Variants in ZNF555 observed in about 807,000 individuals in gnomAD.
ZNF555 encodes the protein zinc finger protein 555.
A neutral mutation model predicts 14.0 loss-of-function variants in ZNF555; 10 were observed. That is an observed-to-expected ratio of 0.72 (90% confidence interval 0.44 to 1.21). The LOEUF (loss-of-function observed/expected upper bound fraction) is 1.21. ZNF555 is among the 50% of genes most tolerant of loss of function. The pLI is 0.00. For missense variants in ZNF555, 747 were observed against 762.0 expected (o/e 0.98, Z 0.23); for synonymous variants, 277 against 262.4 (o/e 1.06, Z -0.54).
rs765892555 is a variant in ZNF555 at position 2,854,983 on chromosome 19, T to G, written c.*1031T>G. On this transcript the variant is annotated 3_prime_UTR_variant, in exon 4 of 4. Coordinates refer to ENST00000334241, the MANE Select transcript of ZNF555 (RefSeq NM_152791.5). ...TTATATAGTGAACACCTTGTTATCT[T>G]AATACTTCCAGTGGCTCTGTGATCC... The G allele has an allele frequency of 3.3e-5, 5 of 152,178 alleles. No individual in the cohort carries two copies. Among genetic ancestry groups the G allele is most frequent in the Non-Finnish European group, 5.9e-5 (4 of 68,026 alleles). The allele number at this position is 152,178 out of a possible 1,614,324, so 9.4% of individuals were successfully genotyped here.
Position 2,854,149 on chromosome 19 carries a change from A to G in ZNF555, c.*197A>G, listed in dbSNP as rs1599567948. Reference sequence around the variant, plus strand: ...CATGGATGATTTGAAGTGTATTTTTAATATGCAAGTAGGTTCAAGTTTTAT... The same window carrying G: ...CATGGATGATTTGAAGTGTATTTTTGATATGCAAGTAGGTTCAAGTTTTAT... On this transcript the variant is annotated 3_prime_UTR_variant, in exon 4 of 4. Transcript: ENST00000334241. 2.9e-5 allele frequency: 18 copies of G among 623,620 alleles called. No individual in the cohort carries two copies. The East Asian group carries it at 5.4e-4, about 19-fold the overall frequency. The allele number at this position is 623,620 out of a possible 1,614,324, so 38.6% of individuals were successfully genotyped here. A position where few individuals can be genotyped will look rare whatever the true frequency, so the allele number is the denominator to read the frequency against.
chr19:2,841,719 C>T (rs910335123), intron 1 of ZNF555, 144 bp downstream of exon 1: 2 of 978,410 alleles, frequency 2.0e-6, no homozygotes, highest in African/African-American at 1.7e-5. Context: ...CCCGGGGGTC[C>T]CGCCCGGCCC....
Position 2,850,571 on chromosome 19 carries a change from T to G in ZNF555, c.4-16T>G, listed in dbSNP as rs372470362. ...GGTCTCAACCATCCTCCCATAAATA[T>G]GTTGAATTGTTTTAGGACTCAGTGG... On this transcript the variant is annotated splice_polypyrimidine_tract_variant and intron_variant, in intron 1 of 3. Transcript: ENST00000334241. The G allele has an allele frequency of 1.2e-6, 2 of 1,611,722 alleles. No homozygotes were observed. Among genetic ancestry groups the G allele is most frequent in the Non-Finnish European group, 1.7e-6 (2 of 1,178,532 alleles).
chr19:2,851,604 C>T lies in ZNF555; in HGVS notation c.267C>T (p.Asp89=). ...SWASVLGKIW[D]SLSIEDQTTN... ...CCTCTGTTTTAGGAAAAATTTGGGA[C>T]AGTCTTAGCATCGAAGATCAAACCA... The change falls in exon 3 of 4, where the codon GAC becomes GAT. Residue 89 remains aspartate (D), a synonymous_variant. Transcript: ENST00000334241. 2.5e-6 allele frequency: 4 copies of T among 1,610,834 alleles called. No homozygotes were observed. Among genetic ancestry groups the T allele is most frequent in the Non-Finnish European group, 3.4e-6 (4 of 1,179,126 alleles).
chr19:2,842,949 G>A (rs923156939), intron 1 of ZNF555, among the ~76,000 whole-genome samples: 1 of 151,940 alleles, frequency 6.6e-6, no homozygotes, highest in Non-Finnish European at 1.5e-5. Context: ...AGGCTGAGGC[G>A]GGAAAATCAC....
chr19:2,842,417 A>G (rs1248726496), intron 1 of ZNF555, among the ~76,000 whole-genome samples: 1 of 152,210 alleles, frequency 6.6e-6, no homozygotes, highest in Non-Finnish European at 1.5e-5. Context: ...GCAGACCCAC[A>G]GCGGGGACGC....
chr19:2,841,691 C>G (rs2087537640), intron 1 of ZNF555, 116 bp downstream of exon 1: 7 of 1,266,418 alleles, frequency 5.5e-6, no homozygotes, highest in African/African-American at 1.6e-5. Flanking sequence ...GAGGGCGGCG[C>G]AGGACGGGAG....
intron 1 of ZNF555, among the ~76,000 whole-genome samples, chr19:2,843,616 C>A (rs538323781): frequency 9.1e-4 from 139 of 152,280 alleles, no homozygotes; most frequent in African/African-American, 3.2e-3. Flanking sequence ...TTCTCCTTGA[C>A]ATGGTAGAGA....
In ZNF555 at chr19:2,855,651, A is replaced by T. The variant is rs1206275848; in HGVS notation, c.*1699A>T. The stretch of plus-strand genomic sequence containing the variant: ...AGGGCTGCCATAACAAAGTACAAAA[A>T]CTGGGTGACATAGGAAAACAAACTT... On this transcript the variant is annotated 3_prime_UTR_variant, in exon 4 of 4. Transcript: ENST00000334241. 1 of 152,188 alleles carries T rather than the reference A, an allele frequency of 6.6e-6. No individual in the cohort carries two copies. The highest frequency in any genetic ancestry group is 1.9e-4 in the East Asian group (1 of 5,200). The allele number at this position is 152,188 out of a possible 1,614,324, so 9.4% of individuals were successfully genotyped here.
At position 2,854,112 on chromosome 19, in the gene ZNF555, G is replaced by C. The variant is rs558955865; in HGVS notation, c.*160G>C. On this transcript the variant is annotated 3_prime_UTR_variant, in exon 4 of 4. Transcript: ENST00000334241. The stretch of plus-strand genomic sequence containing the variant: ...CAGTAAATAAAACTTTCATCTTAGA[G>C]TGTTTTGGACTCATGGATGATTTGA... 2.1e-4 allele frequency: 180 copies of C among 874,144 alleles called. No individual in the cohort carries two copies. The African/African-American group carries it at 2.8e-3, about 14-fold the overall frequency. 54.1% of individuals were successfully genotyped at this position (874,144 alleles called of 1,614,324 possible).
Position 2,852,887 on chromosome 19 carries a change from C to T in ZNF555, c.822C>T (p.His274=). The T allele has an allele frequency of 6.2e-7, 1 of 1,614,120 alleles. No individual in the cohort carries two copies. Among genetic ancestry groups the T allele is most frequent in the Non-Finnish European group, 8.5e-7 (1 of 1,180,034 alleles). ...GTTATTCCTCAACGTTTCGAAGACACACAATAACACACACTGGCGAGAAGC... is the reference window on the plus strand; with the variant it reads ...GTTATTCCTCAACGTTTCGAAGACATACAATAACACACACTGGCGAGAAGC... The part of the protein sequence containing the change: ...AFSYSSTFRR[H]TITHTGEKPY... The change falls in exon 4 of 4, where the codon CAC becomes CAT. Residue 274 remains histidine, a synonymous_variant. Transcript: ENST00000334241.
intron 1 of ZNF555, among the ~76,000 whole-genome samples, chr19:2,842,529 A>T (rs776881587): frequency 6.6e-6 from 1 of 152,158 alleles, no homozygotes; most frequent in Non-Finnish European, 1.5e-5. Context: ...TTCCCTAGAA[A>T]GTGTGGATTT....
At chr19:2,844,597 A>G (rs192011895) in intron 1 of ZNF555, among the ~76,000 whole-genome samples, 1 of 152,378 alleles carries the variant, frequency 6.6e-6, no homozygotes. Flanking sequence ...GGCTGTGCCA[A>G]GATTTCAGAC....
In ZNF555 at chr19:2,852,451, A is replaced by G. The variant is rs570634666; in HGVS notation, c.386A>G (p.His129Arg). The stretch of plus-strand genomic sequence containing the variant: ...GGAGAAGCCCTCAGCCAGATTCCAC[A>G]TCTTAATCTGTACAAGAAAATTCCA... ...QCGEALSQIP[H>R]LNLYKKIPPG... is the part of the protein sequence containing the mutation. Residue 129 changes from histidine (H) to arginine (R), a missense_variant, in exon 4 of 4, where the codon CAT (histidine) becomes CGT (arginine). Physicochemically the swap from His to Arg is conservative, Grantham distance 29. Transcript: ENST00000334241. 2.1e-4 allele frequency: 334 copies of G among 1,614,210 alleles called. No homozygotes were observed. Among genetic ancestry groups the G allele is most frequent in the Non-Finnish European group, 2.7e-4 (318 of 1,180,034 alleles).
Position 2,854,270 on chromosome 19 carries a change from G to A in ZNF555, c.*318G>A, listed in dbSNP as rs1056175531. 2 of 261,228 alleles carry A rather than the reference G, an allele frequency of 7.7e-6. No individual in the cohort carries two copies. The highest frequency in any genetic ancestry group is 1.5e-5 in the Non-Finnish European group (2 of 137,606). The allele number at this position is 261,228 out of a possible 1,614,324, so 16.2% of individuals were successfully genotyped here. ...CTTTTTTACTGGGAGTATTTTTATT[G>A]TTTGGCCAGAGGAGCCTTATTCCAT... On this transcript the variant is annotated 3_prime_UTR_variant, in exon 4 of 4. Transcript: ENST00000334241.
rs1472950126 is a variant in ZNF555 at position 2,853,931 on chromosome 19, A to G, written c.1866A>G (p.Val622=). ...AGGAGAGAGATCTGATCAAAGTTGT[A>G]AATATGGTGTTGCCTTTATGAGTTC... ...SHQERDLIKV[V]NMVLPL is the part of the protein sequence containing the mutation. The change falls in exon 4 of 4, where the codon GTA becomes GTG. Residue 622 remains valine, a synonymous_variant. Transcript: ENST00000334241. The G allele has an allele frequency of 1.2e-6, 2 of 1,613,766 alleles. No individual in the cohort carries two copies. The highest frequency in any genetic ancestry group is 1.7e-6 in the Non-Finnish European group (2 of 1,180,006).
intron 1 of ZNF555, among the ~76,000 whole-genome samples, chr19:2,844,549 T>G (rs2087567046): frequency 6.6e-6 from 1 of 152,228 alleles, no homozygotes; most frequent in Non-Finnish European, 1.5e-5. Context: ...CCAGGGTGTT[T>G]TAAAATTGGC....
rs2087612417 is a variant in ZNF555, at chr19:2,849,671, A to G, written c.4-916A>G. Among the ~76,000 whole-genome samples the G allele has an allele frequency of 6.0e-5, 9 of 148,796 alleles. No homozygotes were observed. The South Asian group carries it at 1.9e-3, about 32-fold the overall frequency. ...GGCTAATTTTTTTTTTTTTTTCAGT[A>G]GAGATGAGGTTTCACCATGTTGGCC... On this transcript the variant is annotated intron_variant, in intron 1 of 3. Transcript: ENST00000334241.
rs1312182675 is a variant in ZNF555, at chr19:2,854,710, T to A, written c.*758T>A. The A allele has an allele frequency of 1.3e-5, 2 of 152,230 alleles. No homozygotes were observed. Among genetic ancestry groups the A allele is most frequent in the Non-Finnish European group, 2.9e-5 (2 of 68,082 alleles). 9.4% of individuals were successfully genotyped at this position (152,230 alleles called of 1,614,324 possible). On this transcript the variant is annotated 3_prime_UTR_variant, in exon 4 of 4. Coordinates refer to ENST00000334241, the MANE Select transcript of ZNF555 (RefSeq NM_152791.5). ...TTTTCCAGATTCTTATTCCTGCCAA[T>A]CAAGAGTACCATCAAAAGAAACACT...
Sources: allele counts gnomAD v4.1 joint callset (sites outside exome capture counted in the v4.1 genomes callset), GRCh38; gene constraint gnomAD v4.1.1; transcripts MANE v1.5; gene names NCBI Gene and HGNC (gene_info 2026-07-23, HGNC 2026-07-21).